Variants in TOPAZ1 observed in about 807,000 individuals in gnomAD.
TOPAZ1 encodes the protein testis and ovary specific TOPAZ 1.
In TOPAZ1, 66 loss-of-function variants were observed where a neutral mutation model predicts 172.2. The observed-to-expected ratio is 0.38, with a 90% CI of 0.31 to 0.47. The LOEUF (loss-of-function observed/expected upper bound fraction) is 0.47. TOPAZ1 is among the 20% of genes least tolerant of loss of function. TOPAZ1 has a pLI of 0.99. For synonymous variants in TOPAZ1, 681 were observed against 683.9 expected, an observed-to-expected ratio of 1.00 and a Z score of 0.07; for missense variants, 1,822 against 1,972.4, an observed-to-expected ratio of 0.92 and a Z score of 1.44.
At position 44,315,178 on chromosome 3, in the gene TOPAZ1, A is replaced by G. The variant is rs995095846; in HGVS notation, c.4306+5188A>G. 3.3e-5 allele frequency among the ~76,000 whole-genome samples: 5 copies of G among 150,856 alleles called. No homozygotes were observed. The East Asian group carries it at 9.6e-4, about 29-fold the overall frequency. ...TATCTTTATACCTTCCAAAGAGGAA[A>G]TGGTTGCAGGTTTTGAAAGAACGTG... On this transcript the variant is annotated intron_variant, in intron 16 of 19. Coordinates refer to ENST00000309765, the MANE Select transcript of TOPAZ1 (RefSeq NM_001145030.2).
intron 12 of TOPAZ1, among the ~76,000 whole-genome samples, chr3:44,302,850 G>A (rs949316106): frequency 3.3e-5 from 5 of 152,064 alleles, no homozygotes; most frequent in Admixed American, 6.6e-5. Flanking sequence ...TTGTTTGTGT[G>A]TTGATGGATT....
chr3:44,244,686 GACAGA>G lies in TOPAZ1; in HGVS notation c.2185_2189del (p.Asn729GlufsTer2). ...GACAATTTATCTGGAGCAGACGTAAGACAGAACAGGAGTAAAGAAAATGTCTCCAT... is the reference window on the plus strand; with the variant it reads ...GACAATTTATCTGGAGCAGACGTAAGACAGGAGTAAAGAAAATGTCTCCAT... On this transcript the variant is annotated frameshift_variant, in exon 2 of 20. Coordinates refer to ENST00000309765, the MANE Select transcript of TOPAZ1 (RefSeq NM_001145030.2). LOFTEE classifies it high-confidence loss of function. 1 of 1,551,406 alleles carries G rather than the reference GACAGA, an allele frequency of 6.4e-7. No homozygotes were observed. The highest frequency in any genetic ancestry group is 8.7e-7 in the Non-Finnish European group (1 of 1,146,960).
Position 44,305,288 on chromosome 3 carries a change from C to A in TOPAZ1, c.4006C>A (p.Pro1336Thr), listed in dbSNP as rs975244763. 1.9e-5 allele frequency: 29 copies of A among 1,541,286 alleles called. No homozygotes were observed. The Admixed American group carries it at 6.0e-4, about 32-fold the overall frequency. Residue 1336 changes from proline (P) to threonine (T), a missense_variant, in exon 14 of 20, where the codon CCA becomes ACA. Pro to Thr is a conservative substitution (Grantham distance 38). Transcript: ENST00000309765. ...CACAAAAAACTATGAAGATGAAAGA[C>A]CAGATATTCCCTTTTGTGAATTTGC... Reference protein sequence around the residue: ...TLTKNYEDERPDIPFCEFAET... With the variant: ...TLTKNYEDERTDIPFCEFAET...
chr3:44,286,741 C>G (rs77498210), intron 9 of TOPAZ1, among the ~76,000 whole-genome samples: 1,899 of 151,864 alleles, frequency 0.013, 37 homozygotes, highest in African/African-American at 0.041. Context: ...AAAAAATGAT[C>G]AATGAAAGAA....
chr3:44,276,019 A>G (rs938053594), intron 8 of TOPAZ1, among the ~76,000 whole-genome samples: 2 of 150,896 alleles, frequency 1.3e-5, no homozygotes, highest in Admixed American at 6.6e-5. Context: ...ATGTCTGTTC[A>G]TGTCCTTTGC....
At chr3:44,314,001 A>G (rs1023550305) in intron 16 of TOPAZ1, among the ~76,000 whole-genome samples, 3 of 152,182 alleles carry the variant, frequency 2.0e-5, no homozygotes, top group African/African-American at 7.2e-5. Flanking sequence ...TGCTAGTTTG[A>G]TAGGGCAAAA....
downstream of TOPAZ1, among the ~76,000 whole-genome samples, chr3:44,333,499 G>T (rs1009652759): frequency 6.6e-6 from 1 of 152,178 alleles, no homozygotes; most frequent in Non-Finnish European, 1.5e-5. Flanking sequence ...GAAACCCTAA[G>T]AAAGGAATTA....
chr3:44,331,084 T>G (rs1396128775), intron 19 of TOPAZ1, among the ~76,000 whole-genome samples: 1 of 152,230 alleles, frequency 6.6e-6, no homozygotes, highest in Non-Finnish European at 1.5e-5. Flanking sequence ...CTGGATTACA[T>G]TTAGTATTTT....
intron 4 of TOPAZ1, among the ~76,000 whole-genome samples, chr3:44,259,137 T>C (rs1173077580): frequency 6.6e-6 from 1 of 152,164 alleles, no homozygotes; most frequent in Non-Finnish European, 1.5e-5. Flanking sequence ...GTAGGGCAAA[T>C]TGTTGTCCTC....
At chr3:44,260,013 A>T (rs1699758027) in intron 4 of TOPAZ1, among the ~76,000 whole-genome samples, 1 of 152,160 alleles carries the variant, frequency 6.6e-6, no homozygotes, top group South Asian at 2.1e-4. Context: ...TTGTTTTATG[A>T]TAGTGAGTTC....
Position 44,244,462 on chromosome 3 carries a change from T to C in TOPAZ1, c.1956T>C (p.Asn652=). ...CTTCCAAAGATGGTCAGGAAGCAAA[T>C]AACTCTGCAGGCAAAACTATTCATC... ...TATSKDGQEA[N]NSAGKTIHRK... The change falls in exon 2 of 20, where the codon AAT becomes AAC. Residue 652 remains asparagine (N), a synonymous_variant. Transcript: ENST00000309765. The C allele has an allele frequency of 6.4e-7, 1 of 1,551,638 alleles. No homozygotes were observed. Among genetic ancestry groups the C allele is most frequent in the Non-Finnish European group, 8.7e-7 (1 of 1,146,968 alleles).
In TOPAZ1 at chr3:44,244,154, A is replaced by G. The variant is rs747558823; in HGVS notation, c.1648A>G (p.Ser550Gly). 2.3e-5 allele frequency: 36 copies of G among 1,551,538 alleles called. 2 individuals are homozygous for G. The South Asian group carries it at 3.7e-4, about 16-fold the overall frequency. ...AACTGACTCCAAATTATTATTACAA[A>G]GTTCCTTAACAGAAACAAACACTGA... ...HLTDSKLLLQ[S>G]SLTETNTESS... The change falls in exon 2 of 20, where the codon AGT becomes GGT. Residue 550 changes from serine (S) to glycine (G), a missense_variant. Physicochemically the swap from Ser to Gly is moderately conservative, Grantham distance 56. Transcript: ENST00000309765.
At chr3:44,305,776 T>C (rs1700330103) in intron 14 of TOPAZ1, among the ~76,000 whole-genome samples, 2 of 152,238 alleles carry the variant, frequency 1.3e-5, no homozygotes, top group Admixed American at 1.3e-4. Context: ...ATGCAGGCTT[T>C]AGATACTCTT....
intron 16 of TOPAZ1, 101 bp downstream of exon 16, chr3:44,310,091 T>G: frequency 8.8e-7 from 1 of 1,139,798 alleles, no homozygotes; most frequent in South Asian, 1.6e-5. Flanking sequence ...TGGTTAATAG[T>G]TTGGTCTAAA....
At chr3:44,335,576 G>T (rs1204475940), downstream of TOPAZ1, among the ~76,000 whole-genome samples, 1 of 152,002 alleles carries the variant, frequency 6.6e-6, no homozygotes, top group Non-Finnish European at 1.5e-5. Flanking sequence ...GTGATCCAAG[G>T]TCATGCCATT....
At chr3:44,293,955 C>G (rs962568972) in intron 12 of TOPAZ1, among the ~76,000 whole-genome samples, 2 of 152,142 alleles carry the variant, frequency 1.3e-5, no homozygotes, top group Non-Finnish European at 2.9e-5. Context: ...GAGAACATAT[C>G]CCCAGCCGGG....
rs552204525 is a variant in TOPAZ1, at chr3:44,263,860, G to A, written c.3020+1377G>A. Among the ~76,000 whole-genome samples, 7 of 152,222 alleles carry A rather than the reference G, an allele frequency of 4.6e-5. No individual in the cohort carries two copies. In the South Asian group the frequency reaches 1.4e-3, roughly 31 times the overall value. On this transcript the variant is annotated intron_variant, in intron 5 of 19. Coordinates refer to ENST00000309765, the MANE Select transcript of TOPAZ1 (RefSeq NM_001145030.2). ...TGAATTATTTTTCTAGATAAGTAGT[G>A]TCCAAATTAAATTTTTGTAAAATTG...
intron 9 of TOPAZ1, among the ~76,000 whole-genome samples, 166 bp downstream of exon 9, chr3:44,282,197 A>G (rs1350641510): frequency 6.6e-6 from 1 of 152,252 alleles, no homozygotes; most frequent in Admixed American, 6.5e-5. Context: ...TTGGTTAATA[A>G]AAAAATGATA....
intron 16 of TOPAZ1, 134 bp from the exon 17 acceptor site, chr3:44,320,892 TG>T: frequency 1.8e-6 from 1 of 549,048 alleles, no homozygotes; most frequent in South Asian, 2.8e-5. Flanking sequence ...ATTTGAGCCA[TG>T]GTTATCTTCT....
Sources: gnomAD v4.1 joint callset for allele counts (sites outside exome capture counted in the v4.1 genomes callset) on GRCh38, gnomAD v4.1.1 for gene constraint, MANE v1.5 for transcripts, NCBI Gene and HGNC (gene_info 2026-07-23, HGNC 2026-07-21) for gene names.